Variants in TBCEL observed in about 807,000 individuals in gnomAD.
TBCEL encodes the protein tubulin-specific chaperone cofactor E-like protein.
In TBCEL, 15 loss-of-function variants were observed where a neutral mutation model predicts 44.2. The ratio of observed to expected loss-of-function variants is 0.34; its 90% CI spans 0.23 to 0.52. TBCEL has a LOEUF of 0.52. Ranked by LOEUF, TBCEL falls within the 20% of genes least tolerant of loss-of-function variation. The pLI, the probability that TBCEL is intolerant of heterozygous loss-of-function variation, is 0.95. For missense variants in TBCEL, 319 were observed against 506.3 expected (o/e 0.63, Z 3.55); for synonymous variants, 171 against 185.4 (o/e 0.92, Z 0.63).
At chr11:121,041,815 A>G (rs141882687) in intron 2 of TBCEL, among the ~76,000 whole-genome samples, 264 of 151,730 alleles carry the variant, frequency 1.7e-3, no homozygotes, top group Admixed American at 8.1e-3. Flanking sequence ...TTCAAAACCT[A>G]TGTATTAATG....
At chr11:121,068,068 C>T (rs766048275) in intron 8 of TBCEL, among the ~76,000 whole-genome samples, 15 of 152,292 alleles carry the variant, frequency 9.8e-5, no homozygotes, top group Admixed American at 2.0e-4. Context: ...TTAGCCAGTC[C>T]CGAGGCTTTC....
At chr11:121,083,187 A>C (rs894100006) in intron 8 of TBCEL, among the ~76,000 whole-genome samples, 6 of 152,240 alleles carry the variant, frequency 3.9e-5, no homozygotes, top group African/African-American at 1.4e-4. Flanking sequence ...AAATTGTAGC[A>C]ATCTAGGTTA....
chr11:121,034,041 A>G (rs1220824694), intron 1 of TBCEL, among the ~76,000 whole-genome samples: 1 of 152,106 alleles, frequency 6.6e-6, no homozygotes, highest in East Asian at 1.9e-4. Flanking sequence ...CCTTTTGACT[A>G]TTGTAAATAA....
intron 8 of TBCEL, among the ~76,000 whole-genome samples, chr11:121,081,334 G>A (rs933167770): frequency 5.3e-5 from 8 of 152,116 alleles, no homozygotes; most frequent in African/African-American, 1.2e-4. Flanking sequence ...CAAATACGGC[G>A]TACTTTACAT....
Position 121,090,343 on chromosome 11 carries a change from T to C in TBCEL, c.*3247T>C, listed in dbSNP as rs1332413609. 6.6e-6 allele frequency: 1 copy of C among 152,160 alleles called. No homozygotes were observed. The highest frequency in any genetic ancestry group is 2.4e-5 in the African/African-American group (1 of 41,424). The allele number at this position is 152,160 out of a possible 1,614,324, so 9.4% of individuals were successfully genotyped here. On this transcript the variant is annotated 3_prime_UTR_variant, in exon 9 of 9. Transcript: ENST00000683345. ...ATACGCGGCTTAACGCACATGTGAG[T>C]GTAGCTTGCTACATGAAAATGCTAG...
chr11:121,069,924 G>A (rs1350734606), intron 8 of TBCEL, among the ~76,000 whole-genome samples: 1 of 152,142 alleles, frequency 6.6e-6, no homozygotes, highest in Non-Finnish European at 1.5e-5. Context: ...ATAGACAGTG[G>A]GAAACCATTG....
intron 2 of TBCEL, among the ~76,000 whole-genome samples, chr11:121,045,036 T>A (rs932895215): frequency 2.0e-5 from 3 of 152,124 alleles, no homozygotes; most frequent in Non-Finnish European, 1.5e-5. Context: ...TAGTGTATAT[T>A]CCTTGGGTTC....
rs181581664 is a variant in TBCEL at position 121,065,854 on chromosome 11, C to T, written c.956+5769C>T. ...TGATAATTGTTTCATTACTCCATGTCGAGGGCTTACAGAATCCCTTCAACA... is the reference window on the plus strand; with the variant it reads ...TGATAATTGTTTCATTACTCCATGTTGAGGGCTTACAGAATCCCTTCAACA... On this transcript the variant is annotated intron_variant, in intron 8 of 8. Transcript: ENST00000683345. 8.5e-5 allele frequency among the ~76,000 whole-genome samples: 13 copies of T among 152,290 alleles called. No homozygotes were observed. In the East Asian group the frequency reaches 1.4e-3, roughly 16 times the overall value.
chr11:121,083,200 A>G (rs1388768345), intron 8 of TBCEL, among the ~76,000 whole-genome samples: 1 of 152,204 alleles, frequency 6.6e-6, no homozygotes, highest in Non-Finnish European at 1.5e-5. Flanking sequence ...CTAGGTTATT[A>G]ATTATAGTGG....
chr11:121,033,126 A>G (rs956746460), intron 1 of TBCEL, among the ~76,000 whole-genome samples: 1 of 152,236 alleles, frequency 6.6e-6, no homozygotes, highest in Non-Finnish European at 1.5e-5. Context: ...CATTATGTCA[A>G]TAAAAAGACT....
chr11:121,025,172 T>C (rs921552467), intron 1 of TBCEL, among the ~76,000 whole-genome samples: 4 of 152,174 alleles, frequency 2.6e-5, no homozygotes, highest in African/African-American at 9.7e-5. Context: ...TACAAAGAGC[T>C]TGTAGGCAAC....
chr11:121,069,938 G>A (rs1035756002), intron 8 of TBCEL, among the ~76,000 whole-genome samples: 110 of 152,192 alleles, frequency 7.2e-4, no homozygotes, highest in African/African-American at 2.3e-3. Flanking sequence ...ACCATTGAAA[G>A]GTTTCAAGTT....
intron 1 of TBCEL, chr11:121,035,244 A>G (rs959918916): frequency 9.2e-5 from 14 of 152,058 alleles, no homozygotes; most frequent in African/African-American, 3.4e-4. Context: ...TTCTTCAGTA[A>G]CCCTATGAGC....
chr11:121,055,508 A>G (rs998675805), intron 6 of TBCEL, among the ~76,000 whole-genome samples, 200 bp downstream of exon 6: 10 of 152,046 alleles, frequency 6.6e-5, no homozygotes, highest in African/African-American at 2.4e-4. Context: ...GTGGCATAGC[A>G]TTACATTGAC....
At chr11:121,059,231 C>T (rs530823802) in intron 7 of TBCEL, among the ~76,000 whole-genome samples, 2 of 152,062 alleles carry the variant, frequency 1.3e-5, no homozygotes, top group South Asian at 2.1e-4. Flanking sequence ...CAGTTGTTAA[C>T]GTACACATTA....
intron 8 of TBCEL, among the ~76,000 whole-genome samples, chr11:121,065,162 CTA>C (rs1413351622): frequency 6.6e-6 from 1 of 152,184 alleles, no homozygotes; most frequent in Admixed American, 6.5e-5. Context: ...ATATAAATAA[CTA>C]AAGCCTTGCA....
intron 8 of TBCEL, among the ~76,000 whole-genome samples, chr11:121,065,002 A>G (rs960898739): frequency 1.3e-5 from 2 of 151,422 alleles, no homozygotes; most frequent in African/African-American, 2.4e-5. Flanking sequence ...ATTTTTTTGT[A>G]TTTTTAGTGG....
intron 8 of TBCEL, among the ~76,000 whole-genome samples, chr11:121,082,228 T>C (rs1259349531): frequency 6.6e-6 from 1 of 152,238 alleles, no homozygotes; most frequent in East Asian, 1.9e-4. Flanking sequence ...GTTCTCTGCT[T>C]AGGGTCTCAC....
intron 2 of TBCEL, among the ~76,000 whole-genome samples, chr11:121,039,450 T>G (rs1945293100): frequency 6.6e-6 from 1 of 152,260 alleles, no homozygotes; most frequent in African/African-American, 2.4e-5. Context: ...AGAGTTTGGA[T>G]TTTATTCCTT....
Sources: allele counts gnomAD v4.1 joint callset (sites outside exome capture counted in the v4.1 genomes callset), GRCh38; gene constraint gnomAD v4.1.1; transcripts MANE v1.5; gene names NCBI Gene and HGNC (gene_info 2026-07-23, HGNC 2026-07-21).